The following TBL2 variants were observed in gnomAD, a reference collection of about 807,000 sequenced individuals.
The protein encoded by TBL2 is transducin beta-like protein 2.
A neutral mutation model predicts 41.8 loss-of-function variants in TBL2; 33 were observed. That is an observed-to-expected ratio of 0.79 (90% CI 0.60 to 1.06). The LOEUF (loss-of-function observed/expected upper bound fraction) is 1.06. TBL2 is among the 50% of genes least tolerant of loss of function. The probability of loss-of-function intolerance (pLI) is 0.00; values close to 1 mark genes in which losing one functional copy is unlikely to be tolerated. For synonymous variants in TBL2, 239 were observed against 241.7 expected, an observed-to-expected ratio of 0.99 and a Z score of 0.10; for missense variants, 522 against 603.8, an observed-to-expected ratio of 0.86 and a Z score of 1.42.
Position 73,568,138 on chromosome 7 carries a change from G to A in TBL2, c.*2369C>T, listed in dbSNP as rs925039344. Among the ~76,000 whole-genome samples, 4 of 152,196 alleles carry A rather than the reference G, an allele frequency of 2.6e-5. No individual in the cohort carries two copies. The East Asian group carries it at 5.8e-4, about 22-fold the overall frequency. Reference sequence around the variant, plus strand: ...ATGGAGACTGGGAGTGGGAAGATGCGCGGAGAAGATACTGGGAGGTCTGTG... The same window carrying A: ...ATGGAGACTGGGAGTGGGAAGATGCACGGAGAAGATACTGGGAGGTCTGTG... On this transcript the variant is annotated 3_prime_UTR_variant, in exon 7 of 7. Coordinates refer to ENST00000305632, the MANE Select transcript of TBL2 (RefSeq NM_012453.4).
chr7:73,573,184 A>T (rs1793077113), intron 4 of TBL2, 136 bp downstream of exon 4: 1 of 1,422,882 alleles, frequency 7.0e-7, no homozygotes, highest in Non-Finnish European at 9.6e-7. Context: ...GCACAGAGCC[A>T]GGCTGTTCAG....
rs1554588344 is a variant in TBL2 at position 73,574,040 on chromosome 7, C to T, written c.344G>A (p.Arg115His). ...LATCADDRTIRIWSTKDFLQR... is the reference protein window; with the variant it reads ...LATCADDRTIHIWSTKDFLQR... ...CAGGAAGTCCTTGGTGCTCCAGATG[C>T]GGATGGTGCGATCATCTGCACAGGT... Residue 115 changes from arginine to histidine, a missense_variant, in exon 3 of 7, where the codon CGC (arginine) becomes CAC (histidine). Transcript: ENST00000305632. 5.6e-6 allele frequency: 9 copies of T among 1,614,044 alleles called. No homozygotes were observed. The highest frequency in any genetic ancestry group is 3.3e-5 in the Admixed American group (2 of 59,998).
At chr7:73,575,544 C>A (rs1289951059) in intron 1 of TBL2, among the ~76,000 whole-genome samples, 1 of 152,148 alleles carries the variant, frequency 6.6e-6, no homozygotes, top group Non-Finnish European at 1.5e-5. Flanking sequence ...CCACCCGCCT[C>A]GGCCTCCCAA....
chr7:73,573,408 C>T lies in TBL2; in HGVS notation c.510G>A (p.Glu170=). 1 of 1,614,186 alleles carries T rather than the reference C, an allele frequency of 6.2e-7. No homozygotes were observed. Among genetic ancestry groups the T allele is most frequent in the Non-Finnish European group, 8.5e-7 (1 of 1,180,034 alleles). ...TGGCTGTGAAGGTGTAGCCCCCATC[C>T]TCCCGCTTGGTCATCTTGAAGACAC... ...TLRVFKMTKR[E]DGGYTFTATP... is the part of the protein sequence containing the mutation. The change falls in exon 4 of 7, where the codon GAG becomes GAA. Residue 170 remains glutamate, a synonymous_variant. Transcript: ENST00000305632.
intron 3 of TBL2, 109 bp from the exon 4 acceptor site, chr7:73,573,580 A>G: frequency 7.1e-7 from 1 of 1,412,134 alleles, no homozygotes; most frequent in Admixed American, 2.4e-5. Context: ...CATGCCCCAC[A>G]GTCTAGCCTT....
rs1554586543 is a variant in TBL2 at position 73,568,371 on chromosome 7, TTA to T, written c.*2134_*2135del. On this transcript the variant is annotated 3_prime_UTR_variant, in exon 7 of 7. Coordinates refer to ENST00000305632, the MANE Select transcript of TBL2 (RefSeq NM_012453.4). ...GTGTTTTGTTTGGTCCAGATAGTGT[TTA>T]GTTATTTAAGTTGCTCACTTCTAGC... Among the ~76,000 whole-genome samples, 2 of 152,092 alleles carry T rather than the reference TTA, an allele frequency of 1.3e-5. No homozygotes were observed. The highest frequency in any genetic ancestry group is 2.9e-5 in the Non-Finnish European group (2 of 68,012).
At chr7:73,575,271 G>A (rs974487531) in intron 1 of TBL2, among the ~76,000 whole-genome samples, 9 of 150,146 alleles carry the variant, frequency 6.0e-5, no homozygotes, top group East Asian at 3.9e-4. Flanking sequence ...GATCATGGGC[G>A]TGCACCACCA....
At chr7:73,578,335 G>A in intron 1 of TBL2, 85 bp downstream of exon 1, 1 of 1,536,486 alleles carries the variant, frequency 6.5e-7, no homozygotes, top group Non-Finnish European at 8.7e-7. Context: ...CCCACCAGCC[G>A]CGGGCCCAAA....
Position 73,574,088 on chromosome 7 carries a change from C to T in TBL2, c.296G>A (p.Ser99Asn), listed in dbSNP as rs782484889. The change falls in exon 3 of 7, where the codon AGC (serine) becomes AAC (asparagine). Residue 99 changes from serine (S) to asparagine (N), a missense_variant. By Grantham distance (46) the Ser-to-Asn change is conservative. Coordinates refer to ENST00000305632, the MANE Select transcript of TBL2 (RefSeq NM_012453.4). The part of the protein sequence containing the change: ...HSGNISCMDF[S>N]SNGKYLATCA... Reference sequence around the variant, plus strand: ...GGTAGCCAGGTATTTGCCATTGCTGCTAAAGTCCATGCAAGATATGTTCCC... The same window carrying T: ...GGTAGCCAGGTATTTGCCATTGCTGTTAAAGTCCATGCAAGATATGTTCCC... 16 of 1,614,072 alleles carry T rather than the reference C, an allele frequency of 9.9e-6. No individual in the cohort carries two copies. The Admixed American group carries it at 2.0e-4, about 20-fold the overall frequency.
chr7:73,578,419 C>T lies in TBL2; in HGVS notation c.130+1G>A, dbSNP rs781899073. ...CCCCCACCCGACCCGGCCCCACTTA[C>T]AGGCGGGCCGGCCGCTCCTCTCCTC... is the stretch of plus-strand genomic sequence containing the variant. On this transcript the variant is annotated splice_donor_variant, in intron 1 of 6. Coordinates refer to ENST00000305632, the MANE Select transcript of TBL2 (RefSeq NM_012453.4). LOFTEE classifies it high-confidence loss of function. 8 of 1,526,060 alleles carry T rather than the reference C, an allele frequency of 5.2e-6. No individual in the cohort carries two copies. The highest frequency in any genetic ancestry group is 1.4e-5 in the African/African-American group (1 of 69,716). 94.5% of individuals were successfully genotyped at this position (1,526,060 alleles called of 1,614,324 possible).
chr7:73,570,913 T>C lies in TBL2; in HGVS notation c.938A>G (p.Lys313Arg), dbSNP rs782171899. ...CAGCAAGTAGGGGTCCTGCTTCTTC[T>C]TGTATTCCACATCTGTGTCCCACAG... The part of the protein sequence containing the change: ...WKLWDTDVEY[K>R]KKQDPYLLKT... Residue 313 changes from lysine to arginine, a missense_variant, in exon 7 of 7, where the codon AAG (lysine) becomes AGG (arginine). Coordinates refer to ENST00000305632, the MANE Select transcript of TBL2 (RefSeq NM_012453.4). 6.2e-7 allele frequency: 1 copy of C among 1,613,650 alleles called. No homozygotes were observed. Among genetic ancestry groups the C allele is most frequent in the Non-Finnish European group, 8.5e-7 (1 of 1,179,880 alleles).
intron 5 of TBL2, 55 bp from the exon 6 acceptor site, chr7:73,571,396 G>A (rs1168690157): frequency 1.2e-6 from 2 of 1,605,122 alleles, no homozygotes; most frequent in African/African-American, 1.3e-5. Context: ...TGTTGTTCCT[G>A]TAAAACCCCT....
At chr7:73,572,131 C>T (rs1792999575) in intron 5 of TBL2, 1 of 158,842 alleles carries the variant, frequency 6.3e-6, no homozygotes, top group South Asian at 1.6e-4. Context: ...ATCTTCTAGC[C>T]TTGTTCTAAG....
Position 73,573,933 on chromosome 7 carries a change from C to T in TBL2, c.446+5G>A. 6.2e-7 allele frequency: 1 copy of T among 1,612,588 alleles called. No homozygotes were observed. The highest frequency in any genetic ancestry group is 2.2e-5 in the East Asian group (1 of 44,876). On this transcript the variant is annotated splice_donor_5th_base_variant and intron_variant, in intron 3 of 6. Transcript: ENST00000305632. ...AGGCAAACCTGAGGCTCCGTCTTGT[C>T]CCACCTGCAGTCAGGGCTGAAGCGC...
chr7:73,571,616 C>A (rs191697163), intron 5 of TBL2: 18 of 360,054 alleles, frequency 5.0e-5, no homozygotes, highest in Admixed American at 1.1e-4. Context: ...ATTAGCCAGG[C>A]GTGGTGGCGC....
Position 73,570,544 on chromosome 7 carries a change from T to C in TBL2, c.1307A>G (p.Gln436Arg), listed in dbSNP as rs782207144. 6.3e-7 allele frequency: 1 copy of C among 1,596,362 alleles called. No homozygotes were observed. Among genetic ancestry groups the C allele is most frequent in the South Asian group, 1.1e-5 (1 of 88,344 alleles). ...QRLQQQLTQA[Q>R]ETLKSLGALK... ...GGCACCCAGGCTCTTCAGGGTCTCT[T>C]GGGCCTGGGTCAGCTGCTGCTGCAG... is the stretch of plus-strand genomic sequence containing the variant. The change falls in exon 7 of 7, where the codon CAA becomes CGA. Residue 436 changes from glutamine (Q) to arginine (R), a missense_variant. Transcript: ENST00000305632.
rs782343974 is a variant in TBL2, at chr7:73,573,474, A to G, written c.447-3T>C. 1 of 1,613,940 alleles carries G rather than the reference A, an allele frequency of 6.2e-7. No homozygotes were observed. The highest frequency in any genetic ancestry group is 8.5e-7 in the Non-Finnish European group (1 of 1,179,968). On this transcript the variant is annotated splice_polypyrimidine_tract_variant and splice_region_variant and intron_variant, in intron 3 of 6. Transcript: ENST00000305632. ...TGGCCAGCCAGACGATGAAGGCTCT[A>G]GAGACAGGCAGCAGACAAGTCACGC...
chr7:73,572,465 A>G (rs1259240584), intron 5 of TBL2, among the ~76,000 whole-genome samples: 1 of 152,130 alleles, frequency 6.6e-6, no homozygotes, highest in African/African-American at 2.4e-5. Context: ...CAAACAAAAA[A>G]CAAAAATTAG....
intron 5 of TBL2, 44 bp downstream of exon 5, chr7:73,572,800 C>CCAGCCT: frequency 1.9e-6 from 3 of 1,613,292 alleles, no homozygotes; most frequent in Non-Finnish European, 2.5e-6. Context: ...CTCCCCAGCC[C>CCAGCCT]CAGCCTCTCG....
Sources: gnomAD v4.1 joint callset for allele counts (sites outside exome capture counted in the v4.1 genomes callset) on GRCh38, gnomAD v4.1.1 for gene constraint, MANE v1.5 for transcripts, NCBI Gene and HGNC (gene_info 2026-07-23, HGNC 2026-07-21) for gene names.